The following SUPT3H variants were observed in gnomAD, a reference collection of about 807,000 sequenced individuals.
SUPT3H encodes transcription initiation protein SPT3 homolog.
In SUPT3H, 44 loss-of-function variants were observed where a neutral mutation model predicts 44.3. That is an observed-to-expected ratio of 0.99 (90% CI 0.78 to 1.28). SUPT3H has a LOEUF of 1.28. SUPT3H is among the 50% of genes most tolerant of loss of function. The pLI, the probability that SUPT3H is intolerant of heterozygous loss-of-function variation, is 0.00. For missense variants in SUPT3H, 380 were observed against 387.1 expected (o/e 0.98, Z 0.15); for synonymous variants, 124 against 125.6 (o/e 0.99, Z 0.09).
At chr6:45,315,223 T>G (rs548637904) in intron 2 of SUPT3H, among the ~76,000 whole-genome samples, 2 of 152,076 alleles carry the variant, frequency 1.3e-5, no homozygotes, top group East Asian at 3.9e-4. Flanking sequence ...GACATTGCCT[T>G]AAACAAGGAT....
chr6:45,040,220 T>C (rs996943876), intron 3 of SUPT3H, among the ~76,000 whole-genome samples: 4 of 152,184 alleles, frequency 2.6e-5, no homozygotes, highest in Non-Finnish European at 5.9e-5. Flanking sequence ...CTGACAAAAC[T>C]CTATTTACGA....
At chr6:45,063,514 C>A (rs1450927615) in intron 3 of SUPT3H, among the ~76,000 whole-genome samples, 2 of 111,060 alleles carry the variant, frequency 1.8e-5, no homozygotes, top group Non-Finnish European at 4.1e-5. Flanking sequence ...TTACTCTGAG[C>A]TATGGGAGGA....
At chr6:44,951,240 T>A in intron 9 of SUPT3H, among the ~76,000 whole-genome samples, 1 of 151,916 alleles carries the variant, frequency 6.6e-6, no homozygotes, top group East Asian at 1.9e-4. Context: ...AGAAGGTTTT[T>A]TTTTTTTTTT....
chr6:45,283,363 T>C (rs188249823), intron 2 of SUPT3H, among the ~76,000 whole-genome samples: 5 of 151,912 alleles, frequency 3.3e-5, no homozygotes, highest in Admixed American at 2.0e-4. Context: ...GAGACATACA[T>C]AGGATCAAAA....
At chr6:45,020,404 G>T in intron 4 of SUPT3H, 142 bp downstream of exon 4, 1 of 595,946 alleles carries the variant, frequency 1.7e-6, no homozygotes, top group East Asian at 3.1e-5. Context: ...ACATTTTGTC[G>T]TCCAAACCAT....
At chr6:45,061,971 C>T (rs1016001522) in intron 3 of SUPT3H, among the ~76,000 whole-genome samples, 6 of 136,188 alleles carry the variant, frequency 4.4e-5, no homozygotes, top group Non-Finnish European at 9.2e-5. Flanking sequence ...GTTATATGAA[C>T]ACTTACACAC....
intron 10 of SUPT3H, among the ~76,000 whole-genome samples, chr6:44,907,355 T>C (rs1320357786): frequency 1.3e-5 from 2 of 152,204 alleles, no homozygotes; most frequent in South Asian, 2.1e-4. Context: ...TCATTTTTTA[T>C]GTAATGTCTC....
intron 2 of SUPT3H, among the ~76,000 whole-genome samples, chr6:45,222,944 A>G (rs1247213763): frequency 6.6e-6 from 1 of 152,176 alleles, no homozygotes; most frequent in Non-Finnish European, 1.5e-5. Flanking sequence ...TCAATACCAA[A>G]TATTACATAT....
At chr6:45,223,853 ATT>A in intron 2 of SUPT3H, among the ~76,000 whole-genome samples, 1 of 151,350 alleles carries the variant, frequency 6.6e-6, no homozygotes, top group Non-Finnish European at 1.5e-5. Context: ...TTACTAGTTT[ATT>A]TTAAATTCCT....
chr6:45,307,126 C>T (rs1015452524), intron 2 of SUPT3H, among the ~76,000 whole-genome samples: 1 of 152,214 alleles, frequency 6.6e-6, no homozygotes, highest in East Asian at 1.9e-4. Context: ...CCAGGAAGCT[C>T]GAACTGGGTG....
chr6:44,910,485 T>C (rs1420884864), intron 10 of SUPT3H, among the ~76,000 whole-genome samples: 1 of 152,162 alleles, frequency 6.6e-6, no homozygotes, highest in Non-Finnish European at 1.5e-5. Flanking sequence ...GGGATTTAAG[T>C]AACTTTTCCA....
chr6:44,812,981 G>A (rs926923533), intron 11 of SUPT3H, among the ~76,000 whole-genome samples: 2 of 152,140 alleles, frequency 1.3e-5, no homozygotes, highest in African/African-American at 4.8e-5. Flanking sequence ...CTAAAAAGGT[G>A]AGCAAAAATT....
chr6:45,028,703 C>T (rs1786414709), intron 3 of SUPT3H, among the ~76,000 whole-genome samples: 1 of 151,616 alleles, frequency 6.6e-6, no homozygotes, highest in East Asian at 1.9e-4. Flanking sequence ...GAGAGATGTC[C>T]AAACACACAA....
intron 2 of SUPT3H, among the ~76,000 whole-genome samples, chr6:45,144,216 C>T (rs1356586560): frequency 6.6e-6 from 1 of 151,988 alleles, no homozygotes; most frequent in East Asian, 1.9e-4. Flanking sequence ...CACCCTAATA[C>T]CAAAACCAGA....
intron 6 of SUPT3H, among the ~76,000 whole-genome samples, chr6:44,996,292 T>C (rs149425330): frequency 6.6e-6 from 1 of 151,990 alleles, no homozygotes; most frequent in African/African-American, 2.4e-5. Flanking sequence ...AGATACTTTA[T>C]ATATTTATTT....
chr6:45,152,554 C>T (rs957238141), intron 2 of SUPT3H, among the ~76,000 whole-genome samples: 2 of 152,104 alleles, frequency 1.3e-5, no homozygotes, highest in African/African-American at 2.4e-5. Context: ...TGCAGTAGTC[C>T]TATCTCAGCT....
intron 3 of SUPT3H, among the ~76,000 whole-genome samples, chr6:45,037,698 T>C (rs1013950298): frequency 6.0e-5 from 9 of 149,018 alleles, no homozygotes; most frequent in African/African-American, 2.2e-4. Context: ...AATAAAAAAA[T>C]GAAAGAAATA....
intron 2 of SUPT3H, among the ~76,000 whole-genome samples, chr6:45,325,807 C>T (rs1786252672): frequency 6.6e-6 from 1 of 151,734 alleles, no homozygotes; most frequent in South Asian, 2.1e-4. Context: ...CAAATGTGTA[C>T]CAATTATCAA....
chr6:44,819,751 G>A (rs1279159351), intron 11 of SUPT3H, among the ~76,000 whole-genome samples: 3 of 151,294 alleles, frequency 2.0e-5, no homozygotes, highest in African/African-American at 4.9e-5. Flanking sequence ...ACTTCAGCCT[G>A]GGTGACAGAG....
Sources: gnomAD v4.1 joint callset for allele counts (sites outside exome capture counted in the v4.1 genomes callset) on GRCh38, gnomAD v4.1.1 for gene constraint, MANE v1.5 for transcripts, NCBI Gene and HGNC (gene_info 2026-07-23, HGNC 2026-07-21) for gene names.